DCLK2: variants seen among roughly 807,000 people sequenced by gnomAD.
DCLK2 encodes the protein doublecortin like kinase 2, also known as serine/threonine-protein kinase DCLK2.
In DCLK2, 31 loss-of-function variants were observed where a neutral mutation model predicts 78.4. That is an observed-to-expected ratio of 0.40 (90% CI 0.30 to 0.53). The LOEUF (loss-of-function observed/expected upper bound fraction) is 0.53. Ranked by LOEUF, DCLK2 falls within the 20% of genes least tolerant of loss-of-function variation. The pLI is 0.61. For synonymous variants in DCLK2, 407 were observed against 374.9 expected (o/e 1.09, Z -0.99); for missense variants, 872 against 973.7 (o/e 0.90, Z 1.39).
At chr4:150,193,085 A>G (rs1738591333) in intron 2 of DCLK2, 53 bp from the exon 3 acceptor site, 1 of 1,108,368 alleles carries the variant, frequency 9.0e-7, no homozygotes, top group East Asian at 2.4e-5. Context: ...TTTGCTTTTC[A>G]TTTCACTTCT....
At chr4:150,170,912 G>A (rs187400663) in intron 2 of DCLK2, among the ~76,000 whole-genome samples, 234 of 152,184 alleles carry the variant, frequency 1.5e-3, no homozygotes, top group African/African-American at 5.3e-3. Context: ...AGTGATTACT[G>A]CAGAAATTAA....
At chr4:150,201,997 C>G (rs535779369) in intron 4 of DCLK2, among the ~76,000 whole-genome samples, 2 of 152,120 alleles carry the variant, frequency 1.3e-5, no homozygotes, top group Non-Finnish European at 2.9e-5. Flanking sequence ...TGCAGACTTG[C>G]GTTGACTTCT....
chr4:150,120,368 G>A (rs1021801901), intron 2 of DCLK2, among the ~76,000 whole-genome samples: 1 of 152,076 alleles, frequency 6.6e-6, no homozygotes, highest in African/African-American at 2.4e-5. Context: ...CCTATGGCTT[G>A]TTTTACTCTG....
intron 2 of DCLK2, among the ~76,000 whole-genome samples, chr4:150,140,640 A>G (rs1014526276): frequency 6.6e-6 from 1 of 152,170 alleles, no homozygotes; most frequent in African/African-American, 2.4e-5. Flanking sequence ...GACACCTACT[A>G]TGTTCTATTT....
chr4:150,159,046 G>A (rs138131872), intron 2 of DCLK2, among the ~76,000 whole-genome samples: 7 of 152,230 alleles, frequency 4.6e-5, no homozygotes, highest in African/African-American at 1.7e-4. Context: ...TGTTGAATAC[G>A]ATTTTGCTGA....
intron 5 of DCLK2, 72 bp from the exon 6 acceptor site, chr4:150,220,629 TTG>T: frequency 2.4e-6 from 3 of 1,248,988 alleles, no homozygotes; most frequent in Non-Finnish European, 3.5e-6. Flanking sequence ...TGTAAGCATT[TTG>T]TGTGTCAACG....
At chr4:150,154,765 T>G (rs747750578) in intron 2 of DCLK2, among the ~76,000 whole-genome samples, 5 of 152,190 alleles carry the variant, frequency 3.3e-5, no homozygotes, top group Non-Finnish European at 7.3e-5. Flanking sequence ...ATTTTACCTT[T>G]TATGAGCTTT....
chr4:150,167,886 G>C (rs879924936), intron 2 of DCLK2, among the ~76,000 whole-genome samples: 1 of 152,184 alleles, frequency 6.6e-6, no homozygotes, highest in African/African-American at 2.4e-5. Context: ...AGATTGGTAA[G>C]GGAAGAATGC....
intron 2 of DCLK2, among the ~76,000 whole-genome samples, chr4:150,172,246 T>A (rs2150261048): frequency 6.6e-6 from 1 of 152,290 alleles, no homozygotes; most frequent in African/African-American, 2.4e-5. Context: ...CTTTTTAAAT[T>A]TTCTTTGTGC....
intron 2 of DCLK2, among the ~76,000 whole-genome samples, chr4:150,167,366 G>A (rs4129179): frequency 0.27 from 41,007 of 152,132 alleles, 5,781 homozygotes; most frequent in South Asian, 0.49. Flanking sequence ...AGTTGCAGGA[G>A]GAAATAGTTT....
At chr4:150,148,947 A>G (rs1232768690) in intron 2 of DCLK2, among the ~76,000 whole-genome samples, 1 of 150,174 alleles carries the variant, frequency 6.7e-6, no homozygotes, top group Non-Finnish European at 1.5e-5. Context: ...ATGAGATGGG[A>G]GGATAACTTT....
At position 150,199,128 on chromosome 4, in the gene DCLK2, G is replaced by GT. The variant is rs772392478; in HGVS notation, c.961+1031dup. 2.6e-6 allele frequency: 4 copies of GT among 1,519,092 alleles called. No homozygotes were observed. The South Asian group carries it at 4.7e-5, about 18-fold the overall frequency. The allele number at this position is 1,519,092 out of a possible 1,614,324, so 94.1% of individuals were successfully genotyped here. A position where few individuals can be genotyped will look rare whatever the true frequency, so the allele number is the denominator to read the frequency against. On this transcript the variant is annotated intron_variant, in intron 4 of 15. Transcript: ENST00000296550. ...GTTGCTCTGCTGGGTTTTTGTTTTT[G>GT]TTTTTTGCCACTTTTCTGTTTCCTT...
intron 2 of DCLK2, among the ~76,000 whole-genome samples, chr4:150,112,285 C>G (rs1383598476): frequency 6.6e-6 from 1 of 152,144 alleles, no homozygotes; most frequent in Non-Finnish European, 1.5e-5. Context: ...TGATGTATAA[C>G]AGTGCCACTG....
In DCLK2 at chr4:150,221,674, C is replaced by T; in HGVS notation, c.1133-3C>T. On this transcript the variant is annotated splice_polypyrimidine_tract_variant and splice_region_variant and intron_variant, in intron 6 of 15. Transcript: ENST00000296550. ...TTAGAATTTGCATTTATCCTTTTTG[C>T]AGGTGTGAATGGAAACAGATGCTCT... 3.8e-6 allele frequency: 6 copies of T among 1,579,944 alleles called. No individual in the cohort carries two copies. The highest frequency in any genetic ancestry group is 1.2e-5 in the South Asian group (1 of 83,654).
intron 2 of DCLK2, among the ~76,000 whole-genome samples, chr4:150,139,464 C>T (rs1345082727): frequency 6.6e-6 from 1 of 152,194 alleles, no homozygotes; most frequent in Admixed American, 6.5e-5. Flanking sequence ...ATTCAGATGA[C>T]TGTTCCTTGG....
intron 1 of DCLK2, among the ~76,000 whole-genome samples, chr4:150,083,274 C>T (rs1177542803): frequency 2.0e-5 from 3 of 152,220 alleles, no homozygotes; most frequent in Non-Finnish European, 4.4e-5. Flanking sequence ...GTGTCTGCCT[C>T]TCTCATTCCA....
At chr4:150,248,263 C>A in intron 13 of DCLK2, 42 bp from the exon 14 acceptor site, 2 of 1,559,888 alleles carry the variant, frequency 1.3e-6, no homozygotes, top group South Asian at 2.2e-5. Context: ...GAATTACCTC[C>A]TTTCTCCTCC....
chr4:150,244,249 C>G (rs1288968144), intron 12 of DCLK2, among the ~76,000 whole-genome samples: 1 of 152,106 alleles, frequency 6.6e-6, no homozygotes, highest in Non-Finnish European at 1.5e-5. Context: ...TCCCTCTAGT[C>G]TTTTTCAACA....
At chr4:150,144,574 C>G (rs1392411501) in intron 2 of DCLK2, among the ~76,000 whole-genome samples, 1 of 152,018 alleles carries the variant, frequency 6.6e-6, no homozygotes, top group African/African-American at 2.4e-5. Flanking sequence ...GGTTTTTGGG[C>G]TCCATACGAG....
Sources: gnomAD v4.1 joint callset for allele counts (sites outside exome capture counted in the v4.1 genomes callset) on GRCh38, gnomAD v4.1.1 for gene constraint, MANE v1.5 for transcripts, NCBI Gene and HGNC (gene_info 2026-07-23, HGNC 2026-07-21) for gene names.